KAT6A: variants seen among roughly 807,000 people sequenced by gnomAD.
KAT6A encodes the protein lysine acetyltransferase 6A.
In KAT6A, 9 loss-of-function variants were observed where a neutral mutation model predicts 198.4. The ratio of observed to expected loss-of-function variants is 0.05; its 90% CI spans 0.03 to 0.08. The LOEUF (loss-of-function observed/expected upper bound fraction) is 0.08, where lower values mean the gene tolerates loss of function less well. Ranked by LOEUF, KAT6A falls within the 10% of genes least tolerant of loss-of-function variation. The pLI, the probability that KAT6A is intolerant of heterozygous loss-of-function variation, is 1.00. For synonymous variants in KAT6A, 890 were observed against 883.0 expected (o/e 1.01, Z -0.14); for missense variants, 2,077 against 2,509.9 (o/e 0.83, Z 3.69).
rs1270075637 is a variant in KAT6A, at chr8:41,930,538, A to G, written c.*1667T>C. 1.0e-5 allele frequency: 2 copies of G among 193,296 alleles called. No homozygotes were observed. The highest frequency in any genetic ancestry group is 1.2e-4 in the Admixed American group (2 of 16,306). The allele number at this position is 193,296 out of a possible 1,614,324, so 12.0% of individuals were successfully genotyped here. A position where few individuals can be genotyped will look rare whatever the true frequency, so the allele number is the denominator to read the frequency against. On this transcript the variant is annotated 3_prime_UTR_variant, in exon 17 of 17. Transcript: ENST00000265713. The stretch of plus-strand genomic sequence containing the variant: ...TAATTAGTACTTTAAAAATTTATCT[A>G]TATAAAATGTACAAATAAAGGAGAG...
chr8:41,956,944 A>G, intron 8 of KAT6A: 3 of 440,850 alleles, frequency 6.8e-6, no homozygotes, highest in South Asian at 3.7e-5. Context: ...ACTCAAAGTA[A>G]TAACAACAGT....
chr8:42,015,431 T>C (rs1176202591), intron 2 of KAT6A, among the ~76,000 whole-genome samples: 2 of 152,210 alleles, frequency 1.3e-5, no homozygotes, highest in African/African-American at 2.4e-5. Context: ...AAGTTCAGAA[T>C]ACAAATTACT....
At position 41,941,038 on chromosome 8, in the gene KAT6A, C is replaced by G. The variant is rs200762586; in HGVS notation, c.2843G>C (p.Arg948Pro). 6.2e-7 allele frequency: 1 copy of G among 1,614,142 alleles called. No homozygotes were observed. Among genetic ancestry groups the G allele is most frequent in the Non-Finnish European group, 8.5e-7 (1 of 1,180,042 alleles). The change falls in exon 15 of 17, where the codon CGA becomes CCA. Residue 948 changes from arginine (R) to proline (P), a missense_variant. Transcript: ENST00000265713. Reference sequence around the variant, plus strand: ...CTCAGGGCTTTTCTTGAGCTGTCCTCGCCAGGGCTCAACCCCCTCACTGAG... The same window carrying G: ...CTCAGGGCTTTTCTTGAGCTGTCCTGGCCAGGGCTCAACCCCCTCACTGAG... ...RRLSEGVEPW[R>P]GQLKKSPEAL...
At chr8:42,012,519 A>G (rs1225018236) in intron 2 of KAT6A, among the ~76,000 whole-genome samples, 1 of 152,196 alleles carries the variant, frequency 6.6e-6, no homozygotes, top group Non-Finnish European at 1.5e-5. Context: ...CAGAGATGGG[A>G]GTGATGCTGC....
chr8:41,973,566 A>G (rs2150884127), intron 8 of KAT6A, among the ~76,000 whole-genome samples: 1 of 152,274 alleles, frequency 6.6e-6, no homozygotes, highest in Middle Eastern at 3.4e-3. Flanking sequence ...CTTACATGGT[A>G]CATTTGTTGG....
chr8:41,962,103 T>C (rs1157669547), intron 8 of KAT6A, among the ~76,000 whole-genome samples: 1 of 152,180 alleles, frequency 6.6e-6, no homozygotes, highest in East Asian at 1.9e-4. Context: ...ATGTTTTTTT[T>C]CCTACTTCAC....
intron 2 of KAT6A, among the ~76,000 whole-genome samples, chr8:42,025,851 T>C (rs1044212726): frequency 6.6e-5 from 10 of 152,184 alleles, no homozygotes; most frequent in African/African-American, 2.4e-4. Context: ...TCCTTAAGCT[T>C]TCTTGTTTTC....
Position 42,048,579 on chromosome 8 carries a change from T to C in KAT6A, c.399A>G (p.Ala133=), listed in dbSNP as rs751342529. The part of the protein sequence containing the change: ...RFLKGQKDVS[A]LFGGSAASGF... The stretch of plus-strand genomic sequence containing the variant: ...CAGAGGCAGCACTGCCTCCGAATAA[T>C]GCAGACACATCCTTCTGACCTTTCA... The change falls in exon 2 of 17, where the codon GCA becomes GCG. Residue 133 remains alanine, a synonymous_variant. Coordinates refer to ENST00000265713, the MANE Select transcript of KAT6A (RefSeq NM_006766.5). The C allele has an allele frequency of 4.5e-5, 72 of 1,614,108 alleles. 1 individual carries two copies. The South Asian group carries it at 7.2e-4, about 16-fold the overall frequency.
intron 8 of KAT6A, among the ~76,000 whole-genome samples, chr8:41,964,482 C>G (rs1056597993): frequency 6.6e-6 from 1 of 152,046 alleles, no homozygotes; most frequent in African/African-American, 2.4e-5. Context: ...TATCCCTAAT[C>G]TGAAAATCTG....
intron 2 of KAT6A, among the ~76,000 whole-genome samples, chr8:42,009,110 C>T (rs902062544): frequency 6.6e-6 from 1 of 152,070 alleles, no homozygotes; most frequent in East Asian, 1.9e-4. Context: ...TAGTTTAATT[C>T]GTTGCGGAAA....
Position 41,934,207 on chromosome 8 carries a change from C to T in KAT6A, c.4013G>A (p.Arg1338Lys), listed in dbSNP as rs529557460. The change falls in exon 17 of 17, where the codon AGG becomes AAG. Residue 1338 changes from arginine to lysine, a missense_variant. Around this residue, in one of 13 missense-constraint regions of KAT6A, gnomAD observed 375 missense variants for 383.0 expected, o/e 0.98. Transcript: ENST00000265713. ...ACCAGGCTCCTCCTTGACATCTTCC[C>T]TCGTGGGCTGTTCCTCTAGCTCCTT... ...KKKELEEQPT[R>K]EDVKEEPGVQ... is the part of the protein sequence containing the mutation. The T allele has an allele frequency of 9.9e-6, 16 of 1,614,138 alleles. No homozygotes were observed. The South Asian group carries it at 1.4e-4, about 14-fold the overall frequency.
intron 1 of KAT6A, among the ~76,000 whole-genome samples, chr8:42,051,297 C>G (rs1013906451): frequency 6.6e-5 from 10 of 151,888 alleles, no homozygotes; most frequent in African/African-American, 2.4e-4. Flanking sequence ...CAACACCACA[C>G]GTGCTGCGCC....
At chr8:42,010,825 T>C (rs114716377) in intron 2 of KAT6A, among the ~76,000 whole-genome samples, 3,278 of 152,312 alleles carry the variant, frequency 0.022, 112 homozygotes, top group African/African-American at 0.075. Flanking sequence ...TCTTCTTTGC[T>C]TCCCCAGGGT....
At chr8:41,999,030 C>T (rs1476726561) in intron 2 of KAT6A, among the ~76,000 whole-genome samples, 3 of 152,066 alleles carry the variant, frequency 2.0e-5, no homozygotes, top group Admixed American at 2.0e-4. Flanking sequence ...TACAATTAGA[C>T]ATCAATAAGA....
chr8:42,048,094 T>TA (rs929760481), intron 2 of KAT6A, among the ~76,000 whole-genome samples: 1 of 151,822 alleles, frequency 6.6e-6, no homozygotes, highest in Non-Finnish European at 1.5e-5. Flanking sequence ...AAAAAAAATT[T>TA]AAAAAAAAGT....
chr8:41,990,908 T>G (rs1365761049), intron 2 of KAT6A, among the ~76,000 whole-genome samples: 1 of 144,002 alleles, frequency 6.9e-6, no homozygotes, highest in East Asian at 2.0e-4. Flanking sequence ...GGCAGAAGAA[T>G]CATTTGAACC....
chr8:41,998,467 A>G (rs959941341), intron 2 of KAT6A, among the ~76,000 whole-genome samples: 2 of 152,110 alleles, frequency 1.3e-5, no homozygotes, highest in Admixed American at 6.5e-5. Context: ...TTCACTAATA[A>G]TAGCCTTTGA....
chr8:41,982,152 G>A (rs971270878), intron 3 of KAT6A, among the ~76,000 whole-genome samples, 198 bp from the exon 4 acceptor site: 5 of 151,938 alleles, frequency 3.3e-5, no homozygotes, highest in African/African-American at 9.7e-5. Context: ...ATGTTAAAGA[G>A]AAGTTAGGAC....
At chr8:42,007,261 A>G (rs1450059326) in intron 2 of KAT6A, among the ~76,000 whole-genome samples, 1 of 152,188 alleles carries the variant, frequency 6.6e-6, no homozygotes, top group Non-Finnish European at 1.5e-5. Flanking sequence ...CAATCAACCA[A>G]TAAAGTAGAT....
Sources: allele counts gnomAD v4.1 joint callset (sites outside exome capture counted in the v4.1 genomes callset), GRCh38; gene constraint gnomAD v4.1.1; regional missense constraint gnomAD v4.1.1; transcripts MANE v1.5; gene names NCBI Gene and HGNC (gene_info 2026-07-23, HGNC 2026-07-21).